Variants in TOR1A observed in about 807,000 individuals in gnomAD.
TOR1A encodes torsin-1A.
Under a neutral mutation model 31.4 loss-of-function variants are expected in TOR1A, and 18 were observed. The ratio of observed to expected loss-of-function variants is 0.57; its 90% CI spans 0.40 to 0.85. The LOEUF (loss-of-function observed/expected upper bound fraction) is 0.85. Among genes scored for constraint, TOR1A ranks in the 40% least tolerant of loss-of-function variants. The pLI is 0.00. For missense variants in TOR1A, 375 were observed against 416.4 expected (o/e 0.90, Z 0.87); for synonymous variants, 168 against 165.9 (o/e 1.01, Z -0.10).
intron 4 of TOR1A, among the ~76,000 whole-genome samples, chr9:129,817,477 G>A (rs1197893677): frequency 4.6e-5 from 7 of 152,070 alleles, no homozygotes; most frequent in Admixed American, 4.6e-4. Flanking sequence ...GAGGCAGGCG[G>A]ATCACGAGGT....
chr9:129,814,894 G>A (rs965259070), intron 4 of TOR1A, among the ~76,000 whole-genome samples: 1 of 152,188 alleles, frequency 6.6e-6, no homozygotes, highest in South Asian at 2.1e-4. Flanking sequence ...ACCCTGCAGA[G>A]CATGTGGGCA....
rs2030959487 is a variant in TOR1A at position 129,813,810 on chromosome 9, CA to C, written c.*161del. 1.7e-6 allele frequency: 2 copies of C among 1,151,612 alleles called. No individual in the cohort carries two copies. The highest frequency in any genetic ancestry group is 2.5e-5 in the East Asian group (1 of 39,448). 71.3% of individuals were successfully genotyped at this position (1,151,612 alleles called of 1,614,324 possible). On this transcript the variant is annotated 3_prime_UTR_variant, in exon 5 of 5. Coordinates refer to ENST00000351698, the MANE Select transcript of TOR1A (RefSeq NM_000113.3). ...TGGTCCCTGGGTGGCCTGCAGGCAC[CA>C]GGGGGTGGAAACAATGCCAGGGAGA...
At chr9:129,818,713 G>A (rs1039972361) in intron 3 of TOR1A, 32 bp downstream of exon 3, 2 of 1,613,784 alleles carry the variant, frequency 1.2e-6, no homozygotes, top group South Asian at 2.2e-5. Context: ...TGGGCTCGGG[G>A]CCCATCCATC....
In TOR1A at chr9:129,824,066, A is replaced by C. The variant is rs2031264115; in HGVS notation, c.20T>G (p.Val7Gly). 6.3e-7 allele frequency: 1 copy of C among 1,594,522 alleles called. No individual in the cohort carries two copies. Among genetic ancestry groups the C allele is most frequent in the African/African-American group, 1.3e-5 (1 of 74,654 alleles). MKLGRA[V>G]LGLLLLAPSV... Reference sequence around the variant, plus strand: ...CGGCGCCAGCAGCAGCAGGCCCAGCACGGCCCGGCCCAGCTTCATGCCCGG... The same window carrying C: ...CGGCGCCAGCAGCAGCAGGCCCAGCCCGGCCCGGCCCAGCTTCATGCCCGG... Residue 7 changes from valine (V) to glycine (G), a missense_variant, in exon 1 of 5, where the codon GTG becomes GGG. Val to Gly is a moderately radical substitution (Grantham distance 109). Coordinates refer to ENST00000351698, the MANE Select transcript of TOR1A (RefSeq NM_000113.3).
intron 2 of TOR1A, 71 bp from the exon 3 acceptor site, chr9:129,818,991 A>G (rs1189655526): frequency 2.6e-6 from 4 of 1,546,948 alleles, no homozygotes; most frequent in Non-Finnish European, 3.5e-6. Context: ...TTCTACCACT[A>G]AGAACCGCAG....
rs766515115 is a variant in TOR1A at position 129,822,731 on chromosome 9, G to A, written c.294C>T (p.Leu98=). Residue 98 remains leucine (L), a synonymous_variant, in exon 2 of 5, where the codon CTC becomes CTT. Transcript: ENST00000351698. Reference sequence around the variant, plus strand: ...CGGTGCCTGTCCACCCGTGCAGGGAGAGCGTGAGAGGTTTCTTGGGCTTTG... The same window carrying A: ...CGGTGCCTGTCCACCCGTGCAGGGAAAGCGTGAGAGGTTTCTTGGGCTTTG... The part of the protein sequence containing the change: ...NNPKPKKPLT[L]SLHGWTGTGK... 5.6e-6 allele frequency: 9 copies of A among 1,614,230 alleles called. No homozygotes were observed. In the East Asian group the frequency reaches 2.0e-4, roughly 36 times the overall value.
intron 4 of TOR1A, among the ~76,000 whole-genome samples, chr9:129,815,095 G>A (rs533064047): frequency 4.5e-4 from 68 of 152,284 alleles, no homozygotes; most frequent in African/African-American, 1.5e-3. Context: ...ACACTGCGTC[G>A]CCCACGAGCC....
rs1564183783 is a variant in TOR1A, at chr9:129,818,819, G to A, written c.546C>T (p.Ala182=). The A allele has an allele frequency of 1.2e-6, 2 of 1,613,662 alleles. No homozygotes were observed. The highest frequency in any genetic ancestry group is 2.7e-5 in the African/African-American group (2 of 74,902). The change falls in exon 3 of 5, where the codon GCC becomes GCT. Residue 182 remains alanine (A), a synonymous_variant. Coordinates refer to ENST00000351698, the MANE Select transcript of TOR1A (RefSeq NM_000113.3). ...MDKMHAGLID[A]IKPFLDYYDL... The stretch of plus-strand genomic sequence containing the variant: ...CATAATAGTCGAGGAAAGGCTTGAT[G>A]GCATCTATGAGGCCTGCATGCATCT...
In TOR1A at chr9:129,822,807, T is replaced by C; in HGVS notation, c.218A>G (p.His73Arg). 1 of 1,614,220 alleles carries C rather than the reference T, an allele frequency of 6.2e-7. No homozygotes were observed. Among genetic ancestry groups the C allele is most frequent in the Non-Finnish European group, 8.5e-7 (1 of 1,180,036 alleles). ...KDLDDNLFGQ[H>R]LAKKIILNAV... is the part of the protein sequence containing the mutation. ...ATTTAAGATGATTTTCTTTGCAAGA[T>C]GCTGTCCAAAGAGGTTGTCGTCCAG... Residue 73 changes from histidine (H) to arginine (R), a missense_variant, in exon 2 of 5, where the codon CAT becomes CGT. Transcript: ENST00000351698.
chr9:129,818,951 A>T (rs2031113289), intron 2 of TOR1A, 31 bp from the exon 3 acceptor site: 1 of 1,606,716 alleles, frequency 6.2e-7, no homozygotes, highest in African/African-American at 1.3e-5. Flanking sequence ...GCGAACACAA[A>T]GTTCTCAGCC....
intron 4 of TOR1A, among the ~76,000 whole-genome samples, chr9:129,814,460 C>T (rs1200266472): frequency 2.0e-5 from 3 of 150,446 alleles, no homozygotes; most frequent in African/African-American, 7.3e-5. Context: ...CCCTCCTATC[C>T]ATCCCATACA....
intron 2 of TOR1A, 163 bp downstream of exon 2, chr9:129,822,418 G>GC (rs1564184827): frequency 2.1e-6 from 2 of 966,058 alleles, no homozygotes; most frequent in Admixed American, 4.0e-5. Context: ...ACTGCTCCAC[G>GC]CATCTCAAAC....
intron 4 of TOR1A, 80 bp downstream of exon 4, chr9:129,818,440 G>C (rs373843873): frequency 1.9e-6 from 3 of 1,601,454 alleles, no homozygotes; most frequent in African/African-American, 2.7e-5. Flanking sequence ...AGGTGATGCT[G>C]ACAGTGACCC....
rs528447790 is a variant in TOR1A at position 129,818,006 on chromosome 9, G to C, written c.748+514C>G. On this transcript the variant is annotated intron_variant, in intron 4 of 4. Coordinates refer to ENST00000351698, the MANE Select transcript of TOR1A (RefSeq NM_000113.3). ...GACTCCAGCCTGGGTGACAGAGTGA[G>C]ACTCTGTCTCAAAAAATAAGCTGAG... Among the ~76,000 whole-genome samples the C allele has an allele frequency of 5.1e-4, 77 of 150,854 alleles. No homozygotes were observed. The South Asian group carries it at 0.016, about 31-fold the overall frequency.
At position 129,813,002 on chromosome 9, in the gene TOR1A, G is replaced by C. The variant is rs942503604; in HGVS notation, c.*970C>G. 6.6e-6 allele frequency: 1 copy of C among 152,172 alleles called. No individual in the cohort carries two copies. Among genetic ancestry groups the C allele is most frequent in the Non-Finnish European group, 1.5e-5 (1 of 68,030 alleles). 9.4% of individuals were successfully genotyped at this position (152,172 alleles called of 1,614,324 possible). On this transcript the variant is annotated 3_prime_UTR_variant, in exon 5 of 5. Coordinates refer to ENST00000351698, the MANE Select transcript of TOR1A (RefSeq NM_000113.3). ...ATTTGCATTTATAAAGAAAGACACCGTTCTCAGCATCCTCAGAAGGGGCAG... is the reference window on the plus strand; with the variant it reads ...ATTTGCATTTATAAAGAAAGACACCCTTCTCAGCATCCTCAGAAGGGGCAG...
At position 129,822,751 on chromosome 9, in the gene TOR1A, G is replaced by C; in HGVS notation, c.274C>G (p.Pro92Ala). 3.1e-6 allele frequency: 5 copies of C among 1,614,176 alleles called. No homozygotes were observed. The highest frequency in any genetic ancestry group is 4.2e-6 in the Non-Finnish European group (5 of 1,180,040). ...AVFGFINNPK[P>A]KKPLTLSLHG... ...AGGGAGAGCGTGAGAGGTTTCTTGG[G>C]CTTTGGGTTGTTTATGAAACCAAAC... Residue 92 changes from proline (P) to alanine (A), a missense_variant, in exon 2 of 5, where the codon CCC (proline) becomes GCC (alanine). By Grantham distance (27) the Pro-to-Ala change is conservative. Coordinates refer to ENST00000351698, the MANE Select transcript of TOR1A (RefSeq NM_000113.3).
At chr9:129,816,955 C>G (rs1293899011) in intron 4 of TOR1A, among the ~76,000 whole-genome samples, 2 of 152,202 alleles carry the variant, frequency 1.3e-5, no homozygotes, top group Admixed American at 1.3e-4. Context: ...TCTCCAGAAC[C>G]TGAAGCGCAA....
rs1351426639 is a variant in TOR1A at position 129,814,038 on chromosome 9, C to G, written c.933G>C (p.Glu311Asp). ...AEEMTFFPKE[E>D]RVFSDKGCKT... is the part of the protein sequence containing the mutation. Reference sequence around the variant, plus strand: ...TGCAGCCTTTATCTGAGAAAACTCTCTCCTCTTTGGGGAAAAATGTCATCT... The same window carrying G: ...TGCAGCCTTTATCTGAGAAAACTCTGTCCTCTTTGGGGAAAAATGTCATCT... Residue 311 changes from glutamate to aspartate, a missense_variant, in exon 5 of 5, where the codon GAG becomes GAC. Physicochemically the swap from Glu to Asp is conservative, Grantham distance 45 (BLOSUM62 2). Transcript: ENST00000351698. The G allele has an allele frequency of 1.9e-6, 3 of 1,614,092 alleles. No homozygotes were observed. Among genetic ancestry groups the G allele is most frequent in the South Asian group, 2.2e-5 (2 of 91,084 alleles).
At chr9:129,822,487 T>C in intron 2 of TOR1A, 94 bp downstream of exon 2, 1 of 1,544,588 alleles carries the variant, frequency 6.5e-7, no homozygotes, top group Non-Finnish European at 8.9e-7. Context: ...CCGGGCTCAC[T>C]CATTTCAACA....
Sources: gnomAD v4.1 joint callset for allele counts (sites outside exome capture counted in the v4.1 genomes callset) on GRCh38, gnomAD v4.1.1 for gene constraint, MANE v1.5 for transcripts, NCBI Gene and HGNC (gene_info 2026-07-23, HGNC 2026-07-21) for gene names.